The following EPHA6 variants were observed in gnomAD, a reference collection of about 807,000 sequenced individuals.
EPHA6 encodes the protein EPH receptor A6.
In EPHA6, 50 loss-of-function variants were observed where a neutral mutation model predicts 112.0. The ratio of observed to expected loss-of-function variants is 0.45; its 90% CI spans 0.36 to 0.56. The LOEUF (loss-of-function observed/expected upper bound fraction) is 0.56. Among genes scored for constraint, EPHA6 ranks in the 20% least tolerant of loss-of-function variants. The pLI is 0.00. For synonymous variants in EPHA6, 529 were observed against 490.7 expected (o/e 1.08, Z -1.03); for missense variants, 1,280 against 1,417.4 (o/e 0.90, Z 1.56).
At chr3:97,608,628 AGGGAGT>A (rs1489058361) in intron 12 of EPHA6, among the ~76,000 whole-genome samples, 1 of 151,300 alleles carries the variant, frequency 6.6e-6, no homozygotes, top group African/African-American at 2.4e-5. Context: ...ATAAATTCTA[AGGGAGT>A]GGGGAGAGAC....
At chr3:96,993,278 C>A (rs758717382) in intron 3 of EPHA6, among the ~76,000 whole-genome samples, 1 of 151,628 alleles carries the variant, frequency 6.6e-6, no homozygotes, top group Non-Finnish European at 1.5e-5. Flanking sequence ...TATATGTTTC[C>A]CTTCCACCTA....
intron 2 of EPHA6, among the ~76,000 whole-genome samples, chr3:96,904,906 A>G (rs1440448913): frequency 6.6e-6 from 1 of 152,142 alleles, no homozygotes. Flanking sequence ...TTGTAAACGG[A>G]CAACACTGGT....
chr3:97,546,410 T>G (rs886364698), intron 11 of EPHA6, among the ~76,000 whole-genome samples: 3 of 152,260 alleles, frequency 2.0e-5, no homozygotes, highest in African/African-American at 7.2e-5. Flanking sequence ...TCTTCTGGCT[T>G]GTAGAGTTTC....
intron 5 of EPHA6, among the ~76,000 whole-genome samples, chr3:97,383,699 G>A (rs1385447218): frequency 6.6e-6 from 1 of 152,122 alleles, no homozygotes; most frequent in South Asian, 2.1e-4. Context: ...TGATTCCTTG[G>A]TCAATTAAGT....
intron 14 of EPHA6, among the ~76,000 whole-genome samples, chr3:97,679,113 A>G (rs1456380660): frequency 6.6e-6 from 1 of 152,106 alleles, no homozygotes; most frequent in African/African-American, 2.4e-5. Context: ...TTCTTAAGTT[A>G]TACATTGCAA....
At chr3:97,120,637 T>C (rs990518372) in intron 3 of EPHA6, among the ~76,000 whole-genome samples, 5 of 152,026 alleles carry the variant, frequency 3.3e-5, no homozygotes, top group African/African-American at 1.2e-4. Flanking sequence ...TAAAAATTCC[T>C]ATTTCTTTTA....
intron 3 of EPHA6, among the ~76,000 whole-genome samples, chr3:97,154,476 T>A (rs2076244536): frequency 6.6e-6 from 1 of 152,134 alleles, no homozygotes; most frequent in South Asian, 2.1e-4. Context: ...AATTAACATA[T>A]TTTTATGATT....
At chr3:97,737,150 AAAG>A (rs1189188752) in intron 16 of EPHA6, among the ~76,000 whole-genome samples, 1 of 152,120 alleles carries the variant, frequency 6.6e-6, no homozygotes, top group Non-Finnish European at 1.5e-5. Context: ...CATCTTCCCT[AAAG>A]AAGTCCAGCA....
chr3:97,639,218 T>G (rs1384423738), intron 14 of EPHA6, among the ~76,000 whole-genome samples: 3 of 151,970 alleles, frequency 2.0e-5, no homozygotes, highest in Non-Finnish European at 4.4e-5. Context: ...ATCTTTTAAT[T>G]TAACCAAAAA....
At chr3:97,076,304 G>A (rs138770055) in intron 3 of EPHA6, among the ~76,000 whole-genome samples, 202 of 152,240 alleles carry the variant, frequency 1.3e-3, no homozygotes, top group Admixed American at 4.4e-3. Flanking sequence ...CAGCCTTATT[G>A]CCAATATGGA....
At chr3:97,124,081 T>A (rs1192986821) in intron 3 of EPHA6, among the ~76,000 whole-genome samples, 1 of 152,136 alleles carries the variant, frequency 6.6e-6, no homozygotes. Context: ...CCATAAAAAA[T>A]TAATTGCTAC....
intron 5 of EPHA6, among the ~76,000 whole-genome samples, chr3:97,272,905 G>A (rs957413424): frequency 1.3e-5 from 2 of 152,210 alleles, no homozygotes; most frequent in Non-Finnish European, 2.9e-5. Flanking sequence ...CGAAATAGTG[G>A]TAAAGTGTTG....
chr3:96,823,374 A>G (rs963291607), intron 1 of EPHA6, among the ~76,000 whole-genome samples: 5 of 151,736 alleles, frequency 3.3e-5, no homozygotes, highest in South Asian at 2.1e-4. Context: ...AAATGATTCT[A>G]TTTGTTAAGG....
At chr3:97,485,036 A>G (rs1198812093) in intron 10 of EPHA6, among the ~76,000 whole-genome samples, 1 of 152,214 alleles carries the variant, frequency 6.6e-6, no homozygotes, top group African/African-American at 2.4e-5. Context: ...ACATTTATGC[A>G]GGGGGGCTGT....
At chr3:97,476,558 T>C (rs2107465582) in intron 8 of EPHA6, among the ~76,000 whole-genome samples, 1 of 152,244 alleles carries the variant, frequency 6.6e-6, no homozygotes, top group Non-Finnish European at 1.5e-5. Context: ...CTACTTAAAA[T>C]TACAGAGGTA....
chr3:96,940,302 A>G (rs1576109090), intron 2 of EPHA6, among the ~76,000 whole-genome samples: 2 of 152,328 alleles, frequency 1.3e-5, no homozygotes, highest in East Asian at 1.9e-4. Flanking sequence ...GGGTGCATAT[A>G]TATTTAAGAT....
chr3:97,517,224 C>T (rs2092461421), intron 10 of EPHA6, among the ~76,000 whole-genome samples: 1 of 152,072 alleles, frequency 6.6e-6, no homozygotes, highest in African/African-American at 2.4e-5. Context: ...ACTAGGAACA[C>T]ACTACAGTTG....
intron 3 of EPHA6, among the ~76,000 whole-genome samples, chr3:97,135,318 G>A (rs1471333291): frequency 6.6e-6 from 1 of 152,096 alleles, no homozygotes; most frequent in Non-Finnish European, 1.5e-5. Flanking sequence ...CTCCAGTTGA[G>A]CTTTCTAATT....
chr3:96,949,278 A>C (rs897734702), intron 2 of EPHA6, among the ~76,000 whole-genome samples: 1 of 152,150 alleles, frequency 6.6e-6, no homozygotes, highest in African/African-American at 2.4e-5. Context: ...ATTACATGAA[A>C]CAAAAATAGC....
Sources: gnomAD v4.1 joint callset for allele counts (sites outside exome capture counted in the v4.1 genomes callset) on GRCh38, gnomAD v4.1.1 for gene constraint, MANE v1.5 for transcripts, NCBI Gene and HGNC (gene_info 2026-07-23, HGNC 2026-07-21) for gene names.